CBLB: variants seen among roughly 807,000 people sequenced by gnomAD.
CBLB encodes E3 ubiquitin-protein ligase CBL-B.
A neutral mutation model predicts 104.9 loss-of-function variants in CBLB; 31 were observed. That is an observed-to-expected ratio of 0.30 (90% CI 0.22 to 0.40). CBLB has a LOEUF of 0.40. Among genes scored for constraint, CBLB ranks in the 10% least tolerant of loss-of-function variants. The probability of loss-of-function intolerance (pLI) is 1.00; values close to 1 mark genes in which losing one functional copy is unlikely to be tolerated. For missense variants in CBLB, 1,062 were observed against 1,214.6 expected (o/e 0.87, Z 1.87); for synonymous variants, 440 against 422.6 (o/e 1.04, Z -0.51).
At chr3:105,758,343 A>G (rs1356440606) in intron 4 of CBLB, among the ~76,000 whole-genome samples, 1 of 152,226 alleles carries the variant, frequency 6.6e-6, no homozygotes, top group Non-Finnish European at 1.5e-5. Flanking sequence ...AAAATTCCTG[A>G]CACGATAAAG....
At chr3:105,858,727 CT>C (rs1351356904) in intron 2 of CBLB, among the ~76,000 whole-genome samples, 14 of 152,266 alleles carry the variant, frequency 9.2e-5, no homozygotes, top group African/African-American at 3.4e-4. Flanking sequence ...GGACCAATTC[CT>C]TTTGACGTGT....
Position 105,750,990 on chromosome 3 carries a change from G to C in CBLB, c.723+472C>G, listed in dbSNP as rs371771668. 3.9e-5 allele frequency among the ~76,000 whole-genome samples: 6 copies of C among 152,254 alleles called. No individual in the cohort carries two copies. The East Asian group carries it at 1.2e-3, about 29-fold the overall frequency. ...CAAAGCAATTTACAAAATAAGTACA[G>C]GACACAGTTCTGTCCTATACAGAAC... On this transcript the variant is annotated intron_variant, in intron 5 of 18. Transcript: ENST00000394030.
rs1578037261 is a variant in CBLB, at chr3:105,867,470, A to T, written c.108T>A (p.Pro36=). 6.2e-7 allele frequency: 1 copy of T among 1,614,186 alleles called. No homozygotes were observed. The highest frequency in any genetic ancestry group is 2.2e-5 in the East Asian group (1 of 44,880). ...TCCTGCGATCTGCGGCAGCTTGCTT[A>T]GGGGGTCCAACTGCATCCTGAATAG... ...IDAIQDAVGP[P]KQAAADRRTV... The change falls in exon 2 of 19, where the codon CCT becomes CCA. Residue 36 remains proline, a synonymous_variant. Coordinates refer to ENST00000394030, the MANE Select transcript of CBLB (RefSeq NM_170662.5).
At chr3:105,816,002 A>G (rs2084995824) in intron 3 of CBLB, among the ~76,000 whole-genome samples, 1 of 152,122 alleles carries the variant, frequency 6.6e-6, no homozygotes, top group African/African-American at 2.4e-5. Context: ...GAGTTGAACA[A>G]TGAGAACATA....
chr3:105,664,790 C>A (rs572784917), intron 18 of CBLB, among the ~76,000 whole-genome samples: 53 of 152,200 alleles, frequency 3.5e-4, no homozygotes, highest in Admixed American at 1.3e-3. Context: ...TAATCAGAAT[C>A]TAGATTTTGA....
intron 10 of CBLB, among the ~76,000 whole-genome samples, chr3:105,708,218 G>A (rs984984789): frequency 6.6e-6 from 1 of 152,048 alleles, no homozygotes; most frequent in African/African-American, 2.4e-5. Context: ...GGTGATAAAG[G>A]GAGCTGTTGG....
At chr3:105,817,334 C>T (rs2085204984) in intron 3 of CBLB, among the ~76,000 whole-genome samples, 1 of 151,952 alleles carries the variant, frequency 6.6e-6, no homozygotes, top group Admixed American at 6.6e-5. Flanking sequence ...CAAGGAGGAG[C>T]AGCAAAGATT....
In CBLB at chr3:105,692,207, C is replaced by T. The variant is rs575468573; in HGVS notation, c.2054+1287G>A. Reference sequence around the variant, plus strand: ...AAATTTAAATCAATAAACCAAGCATCCACGTATTCTCTGTGTACTTACTTA... The same window carrying T: ...AAATTTAAATCAATAAACCAAGCATTCACGTATTCTCTGTGTACTTACTTA... On this transcript the variant is annotated intron_variant, in intron 13 of 18. Coordinates refer to ENST00000394030, the MANE Select transcript of CBLB (RefSeq NM_170662.5). 2.0e-5 allele frequency among the ~76,000 whole-genome samples: 3 copies of T among 152,248 alleles called. No individual in the cohort carries two copies. In the South Asian group the frequency reaches 6.2e-4, roughly 32 times the overall value.
intron 4 of CBLB, among the ~76,000 whole-genome samples, chr3:105,762,572 G>C (rs754519963): frequency 1.3e-5 from 2 of 152,238 alleles, no homozygotes; most frequent in African/African-American, 2.4e-5. Flanking sequence ...CATGGTGTTT[G>C]AGCCTGCAGG....
intron 2 of CBLB, among the ~76,000 whole-genome samples, chr3:105,864,561 G>C (rs1316647899): frequency 6.6e-6 from 1 of 152,184 alleles, no homozygotes; most frequent in Non-Finnish European, 1.5e-5. Flanking sequence ...GTAATGGGAT[G>C]TTTTGGGATA....
chr3:105,862,525 A>T (rs2092171662), intron 2 of CBLB, among the ~76,000 whole-genome samples: 1 of 152,124 alleles, frequency 6.6e-6, no homozygotes, highest in Non-Finnish European at 1.5e-5. Context: ...CCTACTTCCA[A>T]GTATCTAGGC....
chr3:105,751,384 CAGAG>C (rs3217535), intron 5 of CBLB, 74 bp downstream of exon 5: 17 of 966,846 alleles, frequency 1.8e-5, no homozygotes, highest in African/African-American at 6.6e-5. Flanking sequence ...GAGAGAGAGA[CAGAG>C]AGAGAGAGAA....
At position 105,681,899 on chromosome 3, in the gene CBLB, A is replaced by G. The variant is rs572083127; in HGVS notation, c.2202-81T>C. ...AACTTGAGAGGTAGAGGGAACTAGT[A>G]TTCCTGTTTATTTAATAAAGTTTGA... On this transcript the variant is annotated intron_variant, in intron 14 of 18. Transcript: ENST00000394030. 6 of 800,250 alleles carry G rather than the reference A, an allele frequency of 7.5e-6. 1 individual carries two copies. The South Asian group carries it at 8.5e-5, about 11-fold the overall frequency. The allele number at this position is 800,250 out of a possible 1,614,324, so 49.6% of individuals were successfully genotyped here. A position where few individuals can be genotyped will look rare whatever the true frequency, so the allele number is the denominator to read the frequency against.
chr3:105,659,294 T>C (rs919610524), intron 18 of CBLB, 65 bp from the exon 19 acceptor site: 1 of 1,381,174 alleles, frequency 7.2e-7, no homozygotes, highest in African/African-American at 1.4e-5. Context: ...CAAGATAACA[T>C]AACAGCATTA....
At chr3:105,702,729 G>A (rs2069418456) in intron 11 of CBLB, among the ~76,000 whole-genome samples, 1 of 152,034 alleles carries the variant, frequency 6.6e-6, no homozygotes, top group Non-Finnish European at 1.5e-5. Flanking sequence ...AAATGATACA[G>A]AAACAAGTAG....
In CBLB at chr3:105,770,086, T is replaced by G. The variant is rs537899852; in HGVS notation, c.566+6310A>C. On this transcript the variant is annotated intron_variant, in intron 4 of 18. Coordinates refer to ENST00000394030, the MANE Select transcript of CBLB (RefSeq NM_170662.5). ...ATCTTCTCAATGCTAATTTTTGTTT[T>G]TTTTTTTTTTTCAAGATGGCAGACT... Among the ~76,000 whole-genome samples, 151 of 150,978 alleles carry G rather than the reference T, an allele frequency of 1.0e-3. 1 individual carries two copies. Among genetic ancestry groups the G allele is most frequent in the African/African-American group, 3.5e-3 (144 of 41,206 alleles).
chr3:105,682,154 GATGT>G (rs1264788178), intron 14 of CBLB: 14 of 253,260 alleles, frequency 5.5e-5, no homozygotes, highest in Non-Finnish European at 1.1e-4. Context: ...AGTAAAAAAA[GATGT>G]ATGTGCCAAG....
chr3:105,848,063 T>A (rs1452382019), intron 3 of CBLB, among the ~76,000 whole-genome samples: 1 of 152,050 alleles, frequency 6.6e-6, no homozygotes, highest in Middle Eastern at 3.4e-3. Flanking sequence ...CAGAAATCAC[T>A]GAATTACTCT....
intron 12 of CBLB, 28 bp downstream of exon 12, chr3:105,702,066 T>A (rs1038406195): frequency 1.2e-6 from 2 of 1,613,414 alleles, no homozygotes; most frequent in African/African-American, 2.7e-5. Flanking sequence ...AAGCAGATTC[T>A]CTAGCTTCTG....
Sources: gnomAD v4.1 joint callset for allele counts (sites outside exome capture counted in the v4.1 genomes callset) on GRCh38, gnomAD v4.1.1 for gene constraint, MANE v1.5 for transcripts, NCBI Gene and HGNC (gene_info 2026-07-23, HGNC 2026-07-21) for gene names.